NBAS: variants seen among roughly 807,000 people sequenced by gnomAD.
The protein encoded by NBAS is NBAS subunit of NRZ tethering complex.
Under a neutral mutation model 302.5 loss-of-function variants are expected in NBAS, and 219 were observed. That is an observed-to-expected ratio of 0.72 (90% confidence interval 0.65 to 0.81). The LOEUF (loss-of-function observed/expected upper bound fraction) is 0.81, where lower values mean the gene tolerates loss of function less well. Among genes scored for constraint, NBAS ranks in the 30% least tolerant of loss-of-function variants. NBAS has a pLI of 0.00. For synonymous variants in NBAS, 1,118 were observed against 1,021.6 expected, an observed-to-expected ratio of 1.09 and a Z score of -1.80; for missense variants, 2,932 against 2,841.6, an observed-to-expected ratio of 1.03 and a Z score of -0.72.
At chr2:14,822,294 CTTGAG>C in the NBAS span, among the ~76,000 whole-genome samples, 2 of 152,040 alleles carry the variant, frequency 1.3e-5, no homozygotes, top group East Asian at 1.9e-4. Context: ...CAGGAAATGG[CTTGAG>C]TTATCAATTT....
rs141274324 is a variant in NBAS at position 15,424,667 on chromosome 2, C to A, written c.2424-199G>T. 5.1e-3 allele frequency among the ~76,000 whole-genome samples: 778 copies of A among 152,152 alleles called. 4 individuals carry two copies. The highest frequency in any genetic ancestry group is 0.017 in the African/African-American group (692 of 41,504). On this transcript the variant is annotated intron_variant, in intron 22 of 51. Transcript: ENST00000281513. Reference sequence around the variant, plus strand: ...TTTTTTGGATGCGTAATTTATTTTCCCCCCGTTTTCCCGATTTAAAAAATC... The same window carrying A: ...TTTTTTGGATGCGTAATTTATTTTCACCCCGTTTTCCCGATTTAAAAAATC...
chr2:15,139,694 C>T, the NBAS span, among the ~76,000 whole-genome samples: 2 of 152,118 alleles, frequency 1.3e-5, no homozygotes, highest in Admixed American at 6.5e-5. Flanking sequence ...CCTTAGCAAA[C>T]TGAACAAGGG....
intron 32 of NBAS, among the ~76,000 whole-genome samples, chr2:15,361,962 A>G (rs1027452306): frequency 6.6e-6 from 1 of 151,828 alleles, no homozygotes; most frequent in African/African-American, 2.4e-5. Flanking sequence ...CCCGAGAAAC[A>G]GGAGTGAAAC....
In NBAS at chr2:15,246,445, T is replaced by A. The variant is rs904426056; in HGVS notation, c.5725-7759A>T. ...ACTGTAGACTAAAAGTAAATAGCTA[T>A]TAAATTACTGAACAACTCTGATCAA... is the stretch of plus-strand genomic sequence containing the variant. On this transcript the variant is annotated intron_variant, in intron 44 of 51. Coordinates refer to ENST00000281513, the MANE Select transcript of NBAS (RefSeq NM_015909.4). Among the ~76,000 whole-genome samples, 7 of 152,330 alleles carry A rather than the reference T, an allele frequency of 4.6e-5. No individual in the cohort carries two copies. In the South Asian group the frequency reaches 6.2e-4, roughly 14 times the overall value.
chr2:15,019,944 C>T, the NBAS span, among the ~76,000 whole-genome samples: 2 of 152,146 alleles, frequency 1.3e-5, no homozygotes, highest in Non-Finnish European at 2.9e-5. Context: ...CTCTATAGTA[C>T]TTTGTTATAG....
At chr2:15,250,141 G>A (rs1668294315) in intron 44 of NBAS, among the ~76,000 whole-genome samples, 1 of 152,014 alleles carries the variant, frequency 6.6e-6, no homozygotes, top group Non-Finnish European at 1.5e-5. Context: ...CAAAACAGAG[G>A]CCTCAGAAAT....
the NBAS span, among the ~76,000 whole-genome samples, chr2:15,013,490 T>C: frequency 6.6e-6 from 1 of 152,022 alleles, no homozygotes; most frequent in Non-Finnish European, 1.5e-5. Flanking sequence ...GTTTAAAAGA[T>C]ATAGACAACT....
the NBAS span, among the ~76,000 whole-genome samples, chr2:15,105,133 T>C: frequency 1.3e-5 from 2 of 152,088 alleles, no homozygotes; most frequent in Non-Finnish European, 2.9e-5. Flanking sequence ...CTGGAAACCA[T>C]CATTCTCAGC....
At chr2:15,263,167 G>T (rs943989819) in intron 44 of NBAS, among the ~76,000 whole-genome samples, 1 of 152,120 alleles carries the variant, frequency 6.6e-6, no homozygotes, top group African/African-American at 2.4e-5. Flanking sequence ...TTGAGACAGG[G>T]TCTCACTCTG....
the NBAS span, among the ~76,000 whole-genome samples, chr2:14,889,718 C>T: frequency 2.0e-5 from 3 of 152,168 alleles, no homozygotes; most frequent in Non-Finnish European, 2.9e-5. Context: ...CTTCCAATGG[C>T]TAGATGTAGG....
chr2:15,309,453 A>C (rs1030627542), intron 38 of NBAS, among the ~76,000 whole-genome samples: 13 of 152,168 alleles, frequency 8.5e-5, no homozygotes, highest in African/African-American at 3.1e-4. Flanking sequence ...AAAGTATACT[A>C]TTGGTTACTT....
chr2:14,947,885 T>G, the NBAS span, among the ~76,000 whole-genome samples: 1 of 152,050 alleles, frequency 6.6e-6, no homozygotes, highest in Non-Finnish European at 1.5e-5. Flanking sequence ...ATCATATGGT[T>G]TTTGTTCTTG....
the NBAS span, among the ~76,000 whole-genome samples, chr2:14,989,788 G>A: frequency 3.9e-5 from 6 of 152,106 alleles, no homozygotes; most frequent in Admixed American, 3.3e-4. Flanking sequence ...CAACAGCTGG[G>A]TAATACATAT....
At chr2:15,218,002 A>G (rs916004877) in intron 48 of NBAS, among the ~76,000 whole-genome samples, 1 of 152,216 alleles carries the variant, frequency 6.6e-6, no homozygotes, top group Non-Finnish European at 1.5e-5. Context: ...GTGAGCCTTG[A>G]AGTATGGTAT....
At chr2:15,072,446 G>A in the NBAS span, among the ~76,000 whole-genome samples, 2 of 151,898 alleles carry the variant, frequency 1.3e-5, no homozygotes, top group African/African-American at 4.8e-5. Flanking sequence ...TTCTAATTTC[G>A]CATTTCTTTT....
chr2:15,189,748 C>T (rs1665258198), intron 49 of NBAS, among the ~76,000 whole-genome samples: 1 of 152,158 alleles, frequency 6.6e-6, no homozygotes, highest in African/African-American at 2.4e-5. Flanking sequence ...ATTCTGTCTC[C>T]TCCACTTATT....
chr2:14,844,967 C>T, the NBAS span, among the ~76,000 whole-genome samples: 3 of 152,328 alleles, frequency 2.0e-5, no homozygotes, highest in African/African-American at 7.2e-5. Flanking sequence ...CAAATGGGGT[C>T]CAGCAGAACA....
intron 48 of NBAS, among the ~76,000 whole-genome samples, chr2:15,217,746 A>G (rs1666718650): frequency 6.6e-6 from 1 of 152,234 alleles, no homozygotes. Flanking sequence ...TGATTTAGGA[A>G]TTAGCATTCT....
chr2:15,453,434 G>C (rs895831778), intron 21 of NBAS, among the ~76,000 whole-genome samples: 1 of 152,088 alleles, frequency 6.6e-6, no homozygotes, highest in African/African-American at 2.4e-5. Context: ...ATGGGGACTA[G>C]GTATATACTG....
Sources: gnomAD v4.1 joint callset for allele counts (sites outside exome capture counted in the v4.1 genomes callset) on GRCh38, gnomAD v4.1.1 for gene constraint, MANE v1.5 for transcripts, NCBI Gene and HGNC (gene_info 2026-07-23, HGNC 2026-07-21) for gene names.